Variants in AOAH observed in about 807,000 individuals in gnomAD.
The protein encoded by AOAH is acyloxyacyl hydrolase (neutrophil).
Under a neutral mutation model 92.2 loss-of-function variants are expected in AOAH, and 64 were observed. The observed-to-expected ratio is 0.69, with a 90% CI of 0.57 to 0.86. AOAH has a LOEUF of 0.86. Among genes scored for constraint, AOAH ranks in the 40% least tolerant of loss-of-function variants. The pLI is 0.00. For missense variants in AOAH, 656 were observed against 694.6 expected (o/e 0.94, Z 0.62); for synonymous variants, 263 against 254.5 (o/e 1.03, Z -0.32).
intron 12 of AOAH, among the ~76,000 whole-genome samples, chr7:36,593,870 C>T (rs2116802586): frequency 6.6e-6 from 1 of 152,308 alleles, no homozygotes; most frequent in African/African-American, 2.4e-5. Flanking sequence ...AGACCCCAGG[C>T]CTTAACACCC....
At chr7:36,711,191 C>A (rs910197775) in intron 1 of AOAH, among the ~76,000 whole-genome samples, 3 of 152,166 alleles carry the variant, frequency 2.0e-5, no homozygotes, top group African/African-American at 7.2e-5. Flanking sequence ...ATCACTATGA[C>A]TATTTTGGCA....
intron 11 of AOAH, among the ~76,000 whole-genome samples, chr7:36,602,380 G>A (rs1037142659): frequency 2.0e-5 from 3 of 150,720 alleles, no homozygotes; most frequent in Non-Finnish European, 4.4e-5. Flanking sequence ...TCTCACTGCC[G>A]CATACCAAAT....
intron 1 of AOAH, among the ~76,000 whole-genome samples, chr7:36,702,428 CT>C (rs1207606920): frequency 6.6e-6 from 1 of 152,068 alleles, no homozygotes; most frequent in Non-Finnish European, 1.5e-5. Flanking sequence ...AATGTTTTAA[CT>C]GATTCAGAAC....
chr7:36,612,867 T>C (rs1288964530), intron 11 of AOAH, among the ~76,000 whole-genome samples: 3 of 152,224 alleles, frequency 2.0e-5, no homozygotes, highest in African/African-American at 7.2e-5. Context: ...CATTAAAAAT[T>C]AGATTTTTTT....
At chr7:36,698,550 G>C (rs1397970453) in intron 1 of AOAH, among the ~76,000 whole-genome samples, 1 of 151,942 alleles carries the variant, frequency 6.6e-6, no homozygotes, top group Non-Finnish European at 1.5e-5. Flanking sequence ...TTTTTAATAT[G>C]TGTTTAAAGT....
intron 13 of AOAH, among the ~76,000 whole-genome samples, chr7:36,550,980 T>C (rs1786192703): frequency 6.6e-6 from 1 of 152,170 alleles, no homozygotes; most frequent in African/African-American, 2.4e-5. Flanking sequence ...CAGGCAGCAC[T>C]GATGTTCTCT....
intron 6 of AOAH, among the ~76,000 whole-genome samples, chr7:36,629,620 A>G (rs1171523305): frequency 6.6e-6 from 1 of 152,202 alleles, no homozygotes; most frequent in African/African-American, 2.4e-5. Flanking sequence ...GGCACTTTAC[A>G]TAGCTGGCTT....
At chr7:36,681,817 A>G (rs1390085434) in intron 2 of AOAH, among the ~76,000 whole-genome samples, 1 of 152,114 alleles carries the variant, frequency 6.6e-6, no homozygotes, top group Non-Finnish European at 1.5e-5. Flanking sequence ...TAAATAAATA[A>G]ATAAATAAGA....
At chr7:36,687,942 A>G (rs1797139691) in intron 1 of AOAH, among the ~76,000 whole-genome samples, 1 of 152,340 alleles carries the variant, frequency 6.6e-6, no homozygotes, top group South Asian at 2.1e-4. Flanking sequence ...AGAGTCTTCT[A>G]CTTTCTAGAT....
chr7:36,588,043 G>A (rs2392453), intron 12 of AOAH, among the ~76,000 whole-genome samples: 1 of 152,006 alleles, frequency 6.6e-6, no homozygotes, highest in Non-Finnish European at 1.5e-5. Context: ...CAGTACAAAT[G>A]CTTTATGCAT....
chr7:36,595,137 A>T (rs945463359), intron 11 of AOAH, among the ~76,000 whole-genome samples: 2 of 152,206 alleles, frequency 1.3e-5, no homozygotes, highest in African/African-American at 4.8e-5. Context: ...TACTCCTTTT[A>T]TGAGTGACTT....
chr7:36,549,542 G>A (rs1786039564), intron 13 of AOAH, 67 bp from the exon 14 acceptor site: 3 of 1,100,954 alleles, frequency 2.7e-6, no homozygotes, highest in Non-Finnish European at 4.1e-6. Flanking sequence ...CAATATGGGA[G>A]TCTGATTGAC....
At chr7:36,623,730 C>T (rs191027759) in intron 6 of AOAH, among the ~76,000 whole-genome samples, 2 of 152,294 alleles carry the variant, frequency 1.3e-5, no homozygotes, top group African/African-American at 2.4e-5. Flanking sequence ...ATTCATGAGT[C>T]TTGGAAGCCA....
intron 4 of AOAH, among the ~76,000 whole-genome samples, chr7:36,656,341 G>C (rs551162957): frequency 9.2e-5 from 14 of 152,146 alleles, no homozygotes; most frequent in Non-Finnish European, 1.9e-4. Flanking sequence ...TGAACTAGCC[G>C]GTGGCGATAG....
chr7:36,724,270 C>A lies in AOAH; in HGVS notation c.-122G>T. The stretch of plus-strand genomic sequence containing the variant: ...CTTCTCTTCCTCACTCTCTTTGACA[C>A]ACACACCCCACCCTCTCACATACAC... On this transcript the variant is annotated 5_prime_UTR_variant, in exon 1 of 21. Coordinates refer to ENST00000617537, the MANE Select transcript of AOAH (RefSeq NM_001637.4). 1 of 1,119,792 alleles carries A rather than the reference C, an allele frequency of 8.9e-7. No individual in the cohort carries two copies. The highest frequency in any genetic ancestry group is 1.3e-6 in the Non-Finnish European group (1 of 768,398). 69.4% of individuals were successfully genotyped at this position (1,119,792 alleles called of 1,614,324 possible).
At chr7:36,589,582 A>G (rs1789602001) in intron 12 of AOAH, among the ~76,000 whole-genome samples, 1 of 152,212 alleles carries the variant, frequency 6.6e-6, no homozygotes, top group African/African-American at 2.4e-5. Flanking sequence ...TTGCCCAATA[A>G]CCATGCCCAA....
intron 4 of AOAH, among the ~76,000 whole-genome samples, chr7:36,644,273 T>C (rs547170687): frequency 2.0e-5 from 3 of 152,044 alleles, no homozygotes; most frequent in East Asian, 3.9e-4. Flanking sequence ...TCAGACCCAC[T>C]TGGCACAAAG....
rs1285863633 is a variant in AOAH, at chr7:36,516,471, A to C, written c.1600-3091T>G. The stretch of plus-strand genomic sequence containing the variant: ...CACACACAGAAAGTGCACGGATACC[A>C]CACACACACACACACAGAAAGCGCA... On this transcript the variant is annotated intron_variant, in intron 20 of 20. Coordinates refer to ENST00000617537, the MANE Select transcript of AOAH (RefSeq NM_001637.4). The surrounding 1 kb of genome is among the most constrained non-coding windows in gnomAD (Gnocchi z 5.0). Among the ~76,000 whole-genome samples the C allele has an allele frequency of 1.3e-5, 1 of 79,242 alleles. No individual in the cohort carries two copies. Among genetic ancestry groups the C allele is most frequent in the African/African-American group, 3.1e-5 (1 of 32,290 alleles). 52.0% of individuals were successfully genotyped at this position (79,242 alleles called of 152,430 possible).
intron 4 of AOAH, among the ~76,000 whole-genome samples, chr7:36,653,700 C>T (rs1251491412): frequency 1.3e-5 from 2 of 152,216 alleles, no homozygotes; most frequent in Admixed American, 6.5e-5. Flanking sequence ...CCTCTCTCCA[C>T]ACAGGGCTTA....
Sources: gnomAD v4.1 joint callset for allele counts (sites outside exome capture counted in the v4.1 genomes callset) on GRCh38, gnomAD v4.1.1 for gene constraint, Gnocchi (gnomAD v3.1) non-coding constraint, MANE v1.5 for transcripts, NCBI Gene and HGNC (gene_info 2026-07-23, HGNC 2026-07-21) for gene names.